MACF1: variants seen among roughly 807,000 people sequenced by gnomAD.
MACF1 encodes the protein microtubule actin crosslinking factor 1, also known as microtubule-actin cross-linking factor 1.
Under a neutral mutation model 854.8 loss-of-function variants are expected in MACF1, and 193 were observed. That is an observed-to-expected ratio of 0.23 (90% CI 0.20 to 0.25). The LOEUF (loss-of-function observed/expected upper bound fraction) is 0.25. Ranked by LOEUF, MACF1 falls within the 10% of genes least tolerant of loss-of-function variation. The pLI is 1.00. For missense variants in MACF1, 7,722 were observed against 8,929.1 expected (o/e 0.86, Z 5.45); for synonymous variants, 3,185 against 3,226.7 (o/e 0.99, Z 0.44).
At chr1:39,277,951 T>A (rs1325629512) in intron 6 of MACF1, among the ~76,000 whole-genome samples, 2 of 152,198 alleles carry the variant, frequency 1.3e-5, no homozygotes, top group African/African-American at 4.8e-5. Flanking sequence ...AAGATGTTGT[T>A]CAGTCAATAC....
chr1:39,128,574 C>G (rs1182523293), intron 2 of MACF1, among the ~76,000 whole-genome samples: 1 of 152,138 alleles, frequency 6.6e-6, no homozygotes, highest in African/African-American at 2.4e-5. Flanking sequence ...TGGCGGGCGC[C>G]TGTAGTCCTA....
chr1:39,404,920 C>T (rs1237687730), intron 58 of MACF1, among the ~76,000 whole-genome samples: 1 of 152,188 alleles, frequency 6.6e-6, no homozygotes, highest in African/African-American at 2.4e-5. Context: ...TCCTGCCTTC[C>T]TTCTTCCCAC....
intron 4 of MACF1, among the ~76,000 whole-genome samples, chr1:39,253,212 G>T (rs567382300): frequency 6.6e-6 from 1 of 152,174 alleles, no homozygotes; most frequent in Non-Finnish European, 1.5e-5. Flanking sequence ...AGCCTTGGAC[G>T]GGGTACCAGA....
intron 43 of MACF1, among the ~76,000 whole-genome samples, chr1:39,352,621 G>A (rs917661986): frequency 1.3e-5 from 2 of 152,166 alleles, no homozygotes; most frequent in African/African-American, 2.4e-5. Context: ...AGGTTCAAAC[G>A]ATACTCGTGT....
intron 20 of MACF1, among the ~76,000 whole-genome samples, chr1:39,296,751 A>AAGGAAGGAAGGAAGGAAGGAAGG (rs1557571195): frequency 1.1e-4 from 10 of 93,716 alleles, no homozygotes; most frequent in African/African-American, 3.6e-4. Flanking sequence ...AGAAAGAAAG[A>AAGGAAGGAAGGAAGGAAGGAAGG]AAGGAAGGAA....
At chr1:39,480,850 T>A in intron 98 of MACF1, 70 bp from the exon 99 acceptor site, 1 of 775,406 alleles carries the variant, frequency 1.3e-6, no homozygotes, top group Non-Finnish European at 2.2e-6. Context: ...TTTTTTCTGT[T>A]CCCAATGTGC....
At chr1:39,189,963 A>G (rs1268721913) in intron 2 of MACF1, among the ~76,000 whole-genome samples, 4 of 152,232 alleles carry the variant, frequency 2.6e-5, no homozygotes, top group Non-Finnish European at 5.9e-5. Flanking sequence ...GAGCTGGAAA[A>G]GAATTTAGAG....
chr1:39,342,679 A>G (rs1038322953), intron 40 of MACF1, among the ~76,000 whole-genome samples: 8 of 151,608 alleles, frequency 5.3e-5, no homozygotes, highest in African/African-American at 1.5e-4. Flanking sequence ...CCACCATGCC[A>G]GGCTAAATTT....
intron 87 of MACF1, 40 bp from the exon 88 acceptor site, chr1:39,453,667 A>G: frequency 1.3e-6 from 2 of 1,595,990 alleles, no homozygotes; most frequent in African/African-American, 1.3e-5. Flanking sequence ...CTGCTAATGT[A>G]GACTTTTTAC....
intron 2 of MACF1, among the ~76,000 whole-genome samples, chr1:39,144,839 G>T (rs1170604052): frequency 1.3e-5 from 2 of 152,026 alleles, no homozygotes; most frequent in African/African-American, 2.4e-5. Flanking sequence ...GGTATTTTAG[G>T]TGACGTGCAA....
In MACF1 at chr1:39,422,379, T is replaced by C. The variant is rs560523656; in HGVS notation, c.15822T>C (p.Phe5274=). 1 of 1,613,838 alleles carries C rather than the reference T, an allele frequency of 6.2e-7. No individual in the cohort carries two copies. The highest frequency in any genetic ancestry group is 2.2e-5 in the East Asian group (1 of 44,876). ...TTTGGCTTGTAATTATCTAGATGTT[T>C]CAGAAAGAACAAGTGGATCCTCTTC... ...INQQLADFKM[F]QKEQVDPLQM... Residue 5274 remains phenylalanine (F), a synonymous_variant, in exon 59 of 101, where the codon TTT becomes TTC. Coordinates refer to ENST00000564288, the MANE Select transcript of MACF1 (RefSeq NM_001394062.1).
At chr1:39,389,363 T>G (rs868530897) in intron 58 of MACF1, among the ~76,000 whole-genome samples, 1 of 136,592 alleles carries the variant, frequency 7.3e-6, no homozygotes, top group Non-Finnish European at 1.6e-5. Flanking sequence ...TTTTTTTTTT[T>G]TTTTTTTTTT....
At chr1:39,315,018 T>C (rs1215029949) in intron 26 of MACF1, among the ~76,000 whole-genome samples, 1 of 152,214 alleles carries the variant, frequency 6.6e-6, no homozygotes, top group Non-Finnish European at 1.5e-5. Flanking sequence ...AAATTTTCCT[T>C]ATTTATTTCT....
At chr1:39,117,255 G>A (rs1314868262) in intron 2 of MACF1, among the ~76,000 whole-genome samples, 1 of 151,878 alleles carries the variant, frequency 6.6e-6, no homozygotes, top group African/African-American at 2.4e-5. Context: ...TTTTATTCCA[G>A]TGTAGAGGAT....
In MACF1 at chr1:39,140,914, C is replaced by CAA. The variant is rs34687844; in HGVS notation, c.220+56504_220+56505dup. Among the ~76,000 whole-genome samples the CAA allele has an allele frequency of 3.2e-3, 154 of 48,282 alleles. 15 individuals are homozygous for CAA. The highest frequency in any genetic ancestry group is 3.8e-3 in the Non-Finnish European group (111 of 29,276). The allele number at this position is 48,282 out of a possible 152,430, so 31.7% of individuals were successfully genotyped here. On this transcript the variant is annotated intron_variant, in intron 2 of 93. Coordinates refer to the MACF1 transcript ENST00000361689. ...TGGGTGACAGAGTGAGACTCTGTCT[C>CAA]AAAAAAAAAAAAAAAAAAAAAAAAA... is the stretch of plus-strand genomic sequence containing the variant.
At chr1:39,206,935 G>A (rs1644456701) in intron 1 of MACF1, 1 of 150,682 alleles carries the variant, frequency 6.6e-6, no homozygotes, top group African/African-American at 2.4e-5. Context: ...ATTAATAAAT[G>A]TACACTTGAT....
intron 52 of MACF1, among the ~76,000 whole-genome samples, chr1:39,375,649 T>TA (rs1420935512): frequency 6.6e-6 from 1 of 152,206 alleles, no homozygotes; most frequent in African/African-American, 2.4e-5. Flanking sequence ...ATCCAGAAAA[T>TA]ATGGTTCACA....
At chr1:39,391,147 C>G (rs559586012) in intron 58 of MACF1, among the ~76,000 whole-genome samples, 1 of 151,622 alleles carries the variant, frequency 6.6e-6, no homozygotes, top group Admixed American at 6.6e-5. Flanking sequence ...TTCATCTAAC[C>G]AGGTTCTGGT....
intron 80 of MACF1, among the ~76,000 whole-genome samples, chr1:39,446,298 CTT>C (rs1219361677): frequency 4.1e-5 from 6 of 145,126 alleles, no homozygotes; most frequent in Admixed American, 6.8e-5. Context: ...AAAAGTATAT[CTT>C]TTATATCTAT....
Sources: gnomAD v4.1 joint callset for allele counts (sites outside exome capture counted in the v4.1 genomes callset) on GRCh38, gnomAD v4.1.1 for gene constraint, MANE v1.5 for transcripts, NCBI Gene and HGNC (gene_info 2026-07-23, HGNC 2026-07-21) for gene names.